ROBO2: variants seen among roughly 807,000 people sequenced by gnomAD.
The protein encoded by ROBO2 is roundabout homolog 2.
In ROBO2, 53 loss-of-function variants were observed where a neutral mutation model predicts 160.8. That is an observed-to-expected ratio of 0.33 (90% confidence interval 0.26 to 0.41). The LOEUF (loss-of-function observed/expected upper bound fraction) is 0.41. ROBO2 is among the 10% of genes least tolerant of loss of function. ROBO2 has a pLI of 1.00. For synonymous variants in ROBO2, 664 were observed against 611.7 expected (o/e 1.09, Z -1.26); for missense variants, 1,577 against 1,722.4 (o/e 0.92, Z 1.49).
intron 2 of ROBO2, among the ~76,000 whole-genome samples, chr3:76,491,110 T>C (rs58040700): frequency 0.27 from 40,340 of 151,742 alleles, 6,522 homozygotes; most frequent in African/African-American, 0.44. Context: ...CAGGCGTGTG[T>C]CAGCAGGCCT....
chr3:76,127,671 A>C (rs1446959352), intron 2 of ROBO2, among the ~76,000 whole-genome samples: 1 of 151,940 alleles, frequency 6.6e-6, no homozygotes, highest in African/African-American at 2.4e-5. Flanking sequence ...TCTGTGAATT[A>C]TCTCATTTAT....
chr3:76,605,746 G>A (rs2087599984), intron 2 of ROBO2, among the ~76,000 whole-genome samples: 4 of 152,104 alleles, frequency 2.6e-5, no homozygotes, highest in Admixed American at 2.6e-4. Context: ...AGCACATCTG[G>A]TAGTTATGCT....
chr3:76,358,077 C>CTT (rs2075285214), intron 2 of ROBO2, among the ~76,000 whole-genome samples: 1 of 151,852 alleles, frequency 6.6e-6, no homozygotes, highest in South Asian at 2.1e-4. Context: ...ATACAATACT[C>CTT]TAAGTCTTAT....
chr3:76,386,577 A>G (rs1483620874), intron 2 of ROBO2, among the ~76,000 whole-genome samples: 1 of 152,126 alleles, frequency 6.6e-6, no homozygotes, highest in East Asian at 1.9e-4. Context: ...CCCTTCTTCA[A>G]AATGAGGCCA....
intron 1 of ROBO2, among the ~76,000 whole-genome samples, chr3:77,071,284 C>T (rs150095246): frequency 1.4e-3 from 206 of 152,068 alleles, no homozygotes; most frequent in African/African-American, 4.7e-3. Context: ...TTTCCAGGCC[C>T]GGAAAACTTA....
chr3:76,975,483 C>A (rs973561762), intron 2 of ROBO2, among the ~76,000 whole-genome samples: 6 of 152,120 alleles, frequency 3.9e-5, no homozygotes, highest in Admixed American at 3.3e-4. Context: ...CCAGTCTGGG[C>A]GACAGAGGGA....
chr3:76,086,949 T>C (rs2069039488), intron 2 of ROBO2, among the ~76,000 whole-genome samples: 1 of 152,086 alleles, frequency 6.6e-6, no homozygotes, highest in African/African-American at 2.4e-5. Flanking sequence ...GAGAAAAGCC[T>C]CTCTGAGCTG....
At chr3:76,207,443 A>G (rs1312618354) in intron 2 of ROBO2, among the ~76,000 whole-genome samples, 1 of 152,172 alleles carries the variant, frequency 6.6e-6, no homozygotes, top group Non-Finnish European at 1.5e-5. Flanking sequence ...TTTCTCTAGT[A>G]TGTTTATCAT....
At chr3:76,576,028 A>C (rs546930403) in intron 2 of ROBO2, among the ~76,000 whole-genome samples, 1 of 152,180 alleles carries the variant, frequency 6.6e-6, no homozygotes, top group Admixed American at 6.6e-5. Flanking sequence ...ATTCTGCATA[A>C]ACATATATTT....
chr3:77,449,759 A>C (rs538155593), intron 2 of ROBO2, among the ~76,000 whole-genome samples: 40 of 152,218 alleles, frequency 2.6e-4, no homozygotes, highest in African/African-American at 8.4e-4. Flanking sequence ...ATTTATATAA[A>C]ATTATTCAAG....
intron 1 of ROBO2, among the ~76,000 whole-genome samples, chr3:77,064,447 G>A (rs11914572): frequency 0.016 from 2,358 of 146,062 alleles, 56 homozygotes; most frequent in African/African-American, 0.052. Context: ...TGAAACATCC[G>A]CCTCCCAGGT....
intron 2 of ROBO2, among the ~76,000 whole-genome samples, chr3:77,295,671 A>T (rs1327310310): frequency 1.3e-5 from 2 of 151,156 alleles, no homozygotes; most frequent in Non-Finnish European, 3.0e-5. Context: ...ACATAAAGTA[A>T]AATTGATGGT....
At chr3:76,688,602 G>GGTGT (rs111250460) in intron 2 of ROBO2, among the ~76,000 whole-genome samples, 20,871 of 148,610 alleles carry the variant, frequency 0.14, 1,920 homozygotes, top group East Asian at 0.3. Context: ...AAATTTTAGT[G>GGTGT]GTGTGTGTGT....
In ROBO2 at chr3:76,262,051, G is replaced by A. The variant is rs555938135; in HGVS notation, c.109+324449G>A. Among the ~76,000 whole-genome samples the A allele has an allele frequency of 1.2e-4, 18 of 152,176 alleles. No homozygotes were observed. In the East Asian group the frequency reaches 2.3e-3, roughly 20 times the overall value. ...GTTGTCACATTTAGAAGCCTGTCAC[G>A]TGGTGGAAGGTGAATTGTCACATTG... On this transcript the variant is annotated intron_variant, in intron 2 of 26. Coordinates refer to the ROBO2 transcript ENST00000487694.
chr3:76,969,375 A>G (rs1211180885), intron 2 of ROBO2, among the ~76,000 whole-genome samples: 1 of 152,164 alleles, frequency 6.6e-6, no homozygotes, highest in Non-Finnish European at 1.5e-5. Context: ...GGCACAGAGA[A>G]AGTCTTTGAG....
intron 2 of ROBO2, among the ~76,000 whole-genome samples, chr3:77,397,440 C>G (rs913637040): frequency 6.6e-6 from 1 of 152,082 alleles, no homozygotes; most frequent in Non-Finnish European, 1.5e-5. Flanking sequence ...CTTCATGAGT[C>G]CCATCATAAC....
chr3:76,316,242 T>A (rs2072013135), intron 2 of ROBO2, among the ~76,000 whole-genome samples: 1 of 152,060 alleles, frequency 6.6e-6, no homozygotes. Flanking sequence ...AGCCTGAGGG[T>A]ACTGCAGGAG....
At chr3:77,171,249 G>T (rs2079605506) in intron 2 of ROBO2, among the ~76,000 whole-genome samples, 1 of 152,058 alleles carries the variant, frequency 6.6e-6, no homozygotes, top group Admixed American at 6.6e-5. Context: ...AGCACTCCTG[G>T]AAAAAAGATA....
intron 2 of ROBO2, among the ~76,000 whole-genome samples, chr3:76,620,052 G>A (rs1408002427): frequency 1.3e-5 from 2 of 152,104 alleles, no homozygotes; most frequent in African/African-American, 4.8e-5. Context: ...TTTTGTACCA[G>A]TAGATACAGG....
Sources: gnomAD v4.1 joint callset for allele counts (sites outside exome capture counted in the v4.1 genomes callset) on GRCh38, gnomAD v4.1.1 for gene constraint, MANE v1.5 for transcripts, NCBI Gene and HGNC (gene_info 2026-07-23, HGNC 2026-07-21) for gene names.